Variants in BRSK2 observed in about 807,000 individuals in gnomAD.
BRSK2 encodes BR serine/threonine kinase 2, also known as serine/threonine-protein kinase BRSK2.
Under a neutral mutation model 83.3 loss-of-function variants are expected in BRSK2, and 19 were observed. That is an observed-to-expected ratio of 0.23 (90% CI 0.16 to 0.33). The LOEUF (loss-of-function observed/expected upper bound fraction) is 0.33, where lower values mean the gene tolerates loss of function less well. BRSK2 is among the 10% of genes least tolerant of loss of function. BRSK2 has a pLI of 1.00. For missense variants in BRSK2, 798 were observed against 1,042.3 expected, an observed-to-expected ratio of 0.77 and a Z score of 3.23; for synonymous variants, 519 against 435.4, an observed-to-expected ratio of 1.19 and a Z score of -2.39.
rs1851617782 is a variant in BRSK2, at chr11:1,443,413, T to C, written c.633+10T>C. ...GTTCGCCTTGCTGGTGGTGAGACCC[T>C]GGCCCCCTCAACCCTGCCCTGGCCT... On this transcript the variant is annotated intron_variant, in intron 7 of 19. Coordinates refer to ENST00000528841, the MANE Select transcript of BRSK2 (RefSeq NM_001256627.2). 1 of 1,598,366 alleles carries C rather than the reference T, an allele frequency of 6.3e-7. No individual in the cohort carries two copies. The highest frequency in any genetic ancestry group is 1.3e-5 in the African/African-American group (1 of 74,726).
intron 1 of BRSK2, among the ~76,000 whole-genome samples, chr11:1,401,824 G>A (rs1035604113): frequency 3.3e-5 from 5 of 152,238 alleles, no homozygotes; most frequent in East Asian, 1.9e-4. Context: ...TCCTCCTCCC[G>A]CGAGGGCGCC....
chr11:1,460,425 C>T lies in BRSK2; in HGVS notation c.1988-75C>T, dbSNP rs1391187424. ...TGTTCTCTTTCTCTCTCCTTCCCTCCCCTCCTCTTTCTCTCCCCCTTTTTT... is the reference window on the plus strand; with the variant it reads ...TGTTCTCTTTCTCTCTCCTTCCCTCTCCTCCTCTTTCTCTCCCCCTTTTTT... On this transcript the variant is annotated intron_variant, in intron 19 of 19. Transcript: ENST00000528841. 2.2e-5 allele frequency: 21 copies of T among 942,120 alleles called. No individual in the cohort carries two copies. The East Asian group carries it at 5.3e-4, about 24-fold the overall frequency. 58.4% of individuals were successfully genotyped at this position (942,120 alleles called of 1,614,324 possible). A position where few individuals can be genotyped will look rare whatever the true frequency, so the allele number is the denominator to read the frequency against.
intron 15 of BRSK2, among the ~76,000 whole-genome samples, chr11:1,451,718 C>T (rs1845841389): frequency 6.6e-6 from 1 of 152,208 alleles, no homozygotes; most frequent in South Asian, 2.1e-4. Context: ...AGGGCCTGAG[C>T]TCGCCAAGGG....
intron 1 of BRSK2, among the ~76,000 whole-genome samples, chr11:1,418,258 G>T (rs113293590): frequency 1.0e-3 from 124 of 118,748 alleles, no homozygotes; most frequent in East Asian, 1.6e-3. Context: ...CTGCTTCTGT[G>T]GGCTGTTTCT....
At chr11:1,415,419 A>G (rs1848000850) in intron 1 of BRSK2, among the ~76,000 whole-genome samples, 1 of 151,780 alleles carries the variant, frequency 6.6e-6, no homozygotes, top group Non-Finnish European at 1.5e-5. Flanking sequence ...TAAAAAAATT[A>G]GTTCATTTAT....
At chr11:1,455,180 TA>T (rs1191252038) in intron 16 of BRSK2, among the ~76,000 whole-genome samples, 1 of 152,088 alleles carries the variant, frequency 6.6e-6, no homozygotes, top group East Asian at 1.9e-4. Flanking sequence ...AGAAAGGCCC[TA>T]AAAGCCTCAA....
chr11:1,410,983 G>C lies in BRSK2; in HGVS notation c.91+20608G>C, dbSNP rs970432846. The stretch of plus-strand genomic sequence containing the variant: ...GCTCCAGCCCAGGGCCCCGCTGAGG[G>C]GGGCAGGAGCAGGGGCGGAGAGAAC... On this transcript the variant is annotated intron_variant, in intron 1 of 19. Coordinates refer to ENST00000528841, the MANE Select transcript of BRSK2 (RefSeq NM_001256627.2). 3.5e-5 allele frequency: 34 copies of C among 980,552 alleles called. No homozygotes were observed. In the East Asian group the frequency reaches 4.2e-4, roughly 12 times the overall value. The allele number at this position is 980,552 out of a possible 1,614,324, so 60.7% of individuals were successfully genotyped here.
chr11:1,437,246 TGCACAGATGTCCG>T (rs1487503749), intron 2 of BRSK2, among the ~76,000 whole-genome samples: 2 of 152,116 alleles, frequency 1.3e-5, no homozygotes, highest in African/African-American at 4.8e-5. Context: ...GCAGGCGCTG[TGCACAGATGTCCG>T]CCTGGGAGGG....
chr11:1,449,661 C>CCGTA, intron 12 of BRSK2, 115 bp from the exon 13 acceptor site: 1 of 843,142 alleles, frequency 1.2e-6, no homozygotes, highest in South Asian at 1.8e-5. Flanking sequence ...GGCCTCGAGG[C>CCGTA]TCTTGGCCCG....
At chr11:1,402,158 G>C (rs922818779) in intron 1 of BRSK2, among the ~76,000 whole-genome samples, 2 of 152,214 alleles carry the variant, frequency 1.3e-5, no homozygotes, top group African/African-American at 4.8e-5. Flanking sequence ...GCATGGAGCA[G>C]CCTGGGGAAG....
chr11:1,411,334 CA>C, intron 1 of BRSK2: 3 of 1,384,552 alleles, frequency 2.2e-6, no homozygotes, highest in South Asian at 1.8e-5. Flanking sequence ...GGGGCCGGAG[CA>C]GGGGGCACAG....
At chr11:1,458,576 C>A (rs891658236) in intron 18 of BRSK2, among the ~76,000 whole-genome samples, 1 of 152,146 alleles carries the variant, frequency 6.6e-6, no homozygotes, top group Non-Finnish European at 1.5e-5. Flanking sequence ...AGACTGCGGC[C>A]GAGGGAGGGG....
intron 12 of BRSK2, 66 bp downstream of exon 12, chr11:1,445,973 G>A: frequency 4.6e-6 from 7 of 1,522,820 alleles, no homozygotes; most frequent in Non-Finnish European, 6.2e-6. Context: ...CTGCCGCCTG[G>A]CTCATCGCTA....
In BRSK2 at chr11:1,461,121, C is replaced by G; in HGVS notation, c.*398C>G. The G allele has an allele frequency of 7.3e-7, 1 of 1,367,386 alleles. No homozygotes were observed. Among genetic ancestry groups the G allele is most frequent in the Non-Finnish European group, 1.0e-6 (1 of 998,564 alleles). The allele number at this position is 1,367,386 out of a possible 1,614,324, so 84.7% of individuals were successfully genotyped here. The stretch of plus-strand genomic sequence containing the variant: ...CCCCGTCCACCCCGCGGCAGCTCCT[C>G]GCCTCAGCTCCGCACGGCCCGTGGG... On this transcript the variant is annotated 3_prime_UTR_variant, in exon 20 of 20. Coordinates refer to ENST00000528841, the MANE Select transcript of BRSK2 (RefSeq NM_001256627.2).
At chr11:1,404,863 CA>C (rs574174042) in intron 1 of BRSK2, among the ~76,000 whole-genome samples, 32 of 152,204 alleles carry the variant, frequency 2.1e-4, no homozygotes, top group African/African-American at 7.2e-4. Flanking sequence ...GGGCAGGGCT[CA>C]GCACTCCCGC....
At chr11:1,393,332 C>T (rs1845843021) in intron 1 of BRSK2, among the ~76,000 whole-genome samples, 1 of 152,230 alleles carries the variant, frequency 6.6e-6, no homozygotes, top group Non-Finnish European at 1.5e-5. Flanking sequence ...ATCTGGGAGG[C>T]CTGGGAGGGC....
chr11:1,434,522 C>T (rs749772008), intron 1 of BRSK2, among the ~76,000 whole-genome samples: 55 of 101,324 alleles, frequency 5.4e-4, no homozygotes, highest in Admixed American at 1.3e-3. Context: ...CTCTGGGTGT[C>T]GGCGCACCCA....
intron 4 of BRSK2, among the ~76,000 whole-genome samples, chr11:1,442,284 G>T (rs1198499715): frequency 6.6e-6 from 1 of 152,096 alleles, no homozygotes; most frequent in African/African-American, 2.4e-5. Context: ...GAGAAACAGG[G>T]ATGCCTGACC....
rs1464393871 is a variant in BRSK2, at chr11:1,461,753, G to C, written c.*1030G>C. The stretch of plus-strand genomic sequence containing the variant: ...ATATTTTTATAAACTTTTTTTTCTT[G>C]GTGGTTTTTGGAAAAGGGTGTGGGG... On this transcript the variant is annotated 3_prime_UTR_variant, in exon 20 of 20. Transcript: ENST00000528841. 1 of 151,674 alleles carries C rather than the reference G, an allele frequency of 6.6e-6. No homozygotes were observed. Among genetic ancestry groups the C allele is most frequent in the Non-Finnish European group, 1.5e-5 (1 of 67,900 alleles). The allele number at this position is 151,674 out of a possible 1,614,324, so 9.4% of individuals were successfully genotyped here. A position where few individuals can be genotyped will look rare whatever the true frequency, so the allele number is the denominator to read the frequency against.
Sources: gnomAD v4.1 joint callset for allele counts (sites outside exome capture counted in the v4.1 genomes callset) on GRCh38, gnomAD v4.1.1 for gene constraint, MANE v1.5 for transcripts, NCBI Gene and HGNC (gene_info 2026-07-23, HGNC 2026-07-21) for gene names.